The following ACYP2 variants were observed in gnomAD, a reference collection of about 807,000 sequenced individuals.
The protein encoded by ACYP2 is acylphosphatase-2.
In ACYP2, 12 loss-of-function variants were observed where a neutral mutation model predicts 11.2. That is an observed-to-expected ratio of 1.08 (90% confidence interval 0.69 to 1.74). ACYP2 has a LOEUF of 1.74. Among genes scored for constraint, ACYP2 ranks in the 40% most tolerant of loss-of-function variants. ACYP2 has a pLI of 0.00. For synonymous variants in ACYP2, 43 were observed against 32.2 expected (o/e 1.33, Z -1.13); for missense variants, 134 against 101.9 (o/e 1.31, Z -1.35).
chr2:54,194,528 T>C (rs1684374688), intron 6 of ACYP2, among the ~76,000 whole-genome samples: 1 of 152,192 alleles, frequency 6.6e-6, no homozygotes, highest in Admixed American at 6.5e-5. Context: ...ATTGATTATT[T>C]TTCTTTTATC....
chr2:54,226,499 G>C (rs1382554348), intron 6 of ACYP2, among the ~76,000 whole-genome samples: 1 of 152,228 alleles, frequency 6.6e-6, no homozygotes, highest in Non-Finnish European at 1.5e-5. Context: ...TAAGAAAGAA[G>C]TGTTAATGTT....
At chr2:54,012,533 A>C (rs183654582) in intron 2 of ACYP2, among the ~76,000 whole-genome samples, 121 of 152,186 alleles carry the variant, frequency 8.0e-4, no homozygotes, top group Non-Finnish European at 2.4e-4. Context: ...ATCAATCAAT[A>C]AAGCATTTTG....
chr2:54,130,835 T>C (rs1220622237), intron 4 of ACYP2, among the ~76,000 whole-genome samples: 1 of 152,290 alleles, frequency 6.6e-6, no homozygotes, highest in East Asian at 1.9e-4. Context: ...TCTGTAATGT[T>C]CTACTCTCAT....
intron 6 of ACYP2, among the ~76,000 whole-genome samples, chr2:54,198,248 C>T (rs946825003): frequency 6.6e-6 from 1 of 152,092 alleles, no homozygotes; most frequent in Non-Finnish European, 1.5e-5. Flanking sequence ...CTCCTGACCT[C>T]AGGTGATCCA....
intron 4 of ACYP2, among the ~76,000 whole-genome samples, chr2:54,092,181 T>C (rs766423292): frequency 3.9e-5 from 6 of 152,136 alleles, no homozygotes; most frequent in Admixed American, 1.3e-4. Context: ...GTTTTGAAGA[T>C]GTTGAATTTG....
chr2:54,028,379 T>G (rs1674406096), intron 2 of ACYP2, among the ~76,000 whole-genome samples: 3 of 152,168 alleles, frequency 2.0e-5, no homozygotes, highest in Admixed American at 1.3e-4. Context: ...CATGCTGAAT[T>G]GAAGAAAAAG....
chr2:54,021,228 C>T (rs1673993768), intron 2 of ACYP2, among the ~76,000 whole-genome samples: 1 of 152,146 alleles, frequency 6.6e-6, no homozygotes, highest in Non-Finnish European at 1.5e-5. Context: ...CGGGATGATT[C>T]AGGTCAGAGC....
chr2:54,231,028 A>T (rs1191316602), intron 6 of ACYP2, among the ~76,000 whole-genome samples: 1 of 149,934 alleles, frequency 6.7e-6, no homozygotes, highest in East Asian at 2.0e-4. Flanking sequence ...ACGGGGTTTC[A>T]CCATGTTGAC....
At chr2:54,010,161 C>G (rs919825931) in intron 2 of ACYP2, among the ~76,000 whole-genome samples, 4 of 152,016 alleles carry the variant, frequency 2.6e-5, no homozygotes, top group African/African-American at 7.3e-5. Flanking sequence ...GTCAATAAAG[C>G]TGAAAAAATG....
At chr2:54,229,176 C>T (rs1481909888) in intron 6 of ACYP2, among the ~76,000 whole-genome samples, 1 of 152,186 alleles carries the variant, frequency 6.6e-6, no homozygotes, top group Non-Finnish European at 1.5e-5. Context: ...AACATTATTT[C>T]TCCATTGTGG....
At chr2:54,197,623 G>T (rs1684546886) in intron 6 of ACYP2, among the ~76,000 whole-genome samples, 1 of 152,174 alleles carries the variant, frequency 6.6e-6, no homozygotes, top group South Asian at 2.1e-4. Context: ...CCAATGGCAA[G>T]GAGAAGCCAG....
chr2:53,993,222 G>A (rs115611026), intron 2 of ACYP2, among the ~76,000 whole-genome samples: 1,995 of 152,144 alleles, frequency 0.013, 23 homozygotes, highest in African/African-American at 0.03. Context: ...GCTTTGTTTC[G>A]CTTTCTCAGA....
In ACYP2 at chr2:54,138,219, T is replaced by C. The variant is rs547309807; in HGVS notation, c.295-420T>C. ...ATTTCTGCTTATCAATACTCTATGT[T>C]GATCATAATTGTATATGTTTTTTCT... On this transcript the variant is annotated intron_variant, in intron 5 of 6. Transcript: ENST00000607452. 2.0e-5 allele frequency among the ~76,000 whole-genome samples: 3 copies of C among 152,340 alleles called. No individual in the cohort carries two copies. In the South Asian group the frequency reaches 6.2e-4, roughly 32 times the overall value.
intron 6 of ACYP2, among the ~76,000 whole-genome samples, chr2:54,198,271 T>C (rs1484505806): frequency 6.6e-6 from 1 of 152,126 alleles, no homozygotes; most frequent in Non-Finnish European, 1.5e-5. Context: ...TGCCTCGGCC[T>C]CCCAAAGTGC....
intron 6 of ACYP2, among the ~76,000 whole-genome samples, chr2:54,296,851 C>G (rs573321232): frequency 1.3e-5 from 2 of 151,816 alleles, no homozygotes; most frequent in Non-Finnish European, 2.9e-5. Flanking sequence ...CTAGATGAAC[C>G]TTCTTTTTTG....
intron 2 of ACYP2, among the ~76,000 whole-genome samples, chr2:53,996,872 T>A (rs928763241): frequency 6.6e-6 from 1 of 152,200 alleles, no homozygotes; most frequent in Non-Finnish European, 1.5e-5. Context: ...AGCAGATTAA[T>A]CTTTCTAAAA....
At chr2:54,063,111 G>A (rs1164767267) in intron 4 of ACYP2, among the ~76,000 whole-genome samples, 1 of 151,812 alleles carries the variant, frequency 6.6e-6, no homozygotes, top group East Asian at 1.9e-4. Flanking sequence ...CAATCCAGTG[G>A]GGAAGATAGA....
intron 4 of ACYP2, among the ~76,000 whole-genome samples, chr2:54,062,368 C>T (rs896037298): frequency 3.9e-5 from 6 of 152,206 alleles, no homozygotes; most frequent in African/African-American, 1.4e-4. Flanking sequence ...TTGTAAGTGA[C>T]CTCACATACC....
At chr2:54,242,567 G>T (rs927625381) in intron 6 of ACYP2, among the ~76,000 whole-genome samples, 1 of 152,126 alleles carries the variant, frequency 6.6e-6, no homozygotes, top group African/African-American at 2.4e-5. Flanking sequence ...GATCAACGAT[G>T]AACTGCATAT....
Sources: allele counts gnomAD v4.1 joint callset (sites outside exome capture counted in the v4.1 genomes callset), GRCh38; gene constraint gnomAD v4.1.1; transcripts MANE v1.5; gene names NCBI Gene and HGNC (gene_info 2026-07-23, HGNC 2026-07-21).